Variants in TMEM181 observed in about 807,000 individuals in gnomAD.
TMEM181 encodes the protein G protein-coupled receptor 178.
Under a neutral mutation model 71.9 loss-of-function variants are expected in TMEM181, and 39 were observed. The ratio of observed to expected loss-of-function variants is 0.54; its 90% confidence interval spans 0.42 to 0.71. The LOEUF (loss-of-function observed/expected upper bound fraction) is 0.71. Ranked by LOEUF, TMEM181 falls within the 30% of genes least tolerant of loss-of-function variation. TMEM181 has a pLI of 0.00. For synonymous variants in TMEM181, 245 were observed against 228.8 expected (o/e 1.07, Z -0.64); for missense variants, 595 against 583.0 (o/e 1.02, Z -0.21).
intron 1 of TMEM181, among the ~76,000 whole-genome samples, chr6:158,568,374 C>T (rs896647046): frequency 6.6e-6 from 1 of 151,966 alleles, no homozygotes; most frequent in Admixed American, 6.6e-5. Context: ...CTCCTGAAGG[C>T]AGGAAGGACG....
At chr6:158,549,758 G>A (rs1180048716) in intron 1 of TMEM181, among the ~76,000 whole-genome samples, 1 of 152,170 alleles carries the variant, frequency 6.6e-6, no homozygotes, top group Non-Finnish European at 1.5e-5. Flanking sequence ...CAAGGGTGAT[G>A]CCAATTTGAG....
At chr6:158,562,412 T>C (rs1639022489) in intron 1 of TMEM181, among the ~76,000 whole-genome samples, 1 of 151,816 alleles carries the variant, frequency 6.6e-6, no homozygotes, top group African/African-American at 2.4e-5. Context: ...GGTCTTACTT[T>C]AGCATTTCTC....
chr6:158,566,318 G>A (rs991448653), intron 1 of TMEM181, among the ~76,000 whole-genome samples: 4 of 151,718 alleles, frequency 2.6e-5, no homozygotes, highest in Admixed American at 1.3e-4. Flanking sequence ...GCATCCTCTC[G>A]CAAGCCCGAG....
intron 1 of TMEM181, among the ~76,000 whole-genome samples, chr6:158,549,650 G>T (rs1260643590): frequency 6.6e-6 from 1 of 152,186 alleles, no homozygotes; most frequent in African/African-American, 2.4e-5. Flanking sequence ...TCTGTGCGTA[G>T]TCAGGGCGGT....
At chr6:158,543,000 C>A (rs989235146) in intron 1 of TMEM181, among the ~76,000 whole-genome samples, 1 of 150,588 alleles carries the variant, frequency 6.6e-6, no homozygotes, top group Non-Finnish European at 1.5e-5. Flanking sequence ...TTCAGCCTCC[C>A]GAGTAGCTGG....
intron 1 of TMEM181, among the ~76,000 whole-genome samples, chr6:158,550,698 AGGAACAGAG>A (rs1781692246): frequency 6.6e-6 from 1 of 152,084 alleles, no homozygotes; most frequent in Non-Finnish European, 1.5e-5. Flanking sequence ...TACAGGTCTT[AGGAACAGAG>A]TAGTCCCCAA....
chr6:158,554,445 C>T (rs1170278420), intron 1 of TMEM181, among the ~76,000 whole-genome samples: 4 of 152,172 alleles, frequency 2.6e-5, no homozygotes, highest in African/African-American at 9.7e-5. Flanking sequence ...GTCTCGAACT[C>T]CTGACCGCAG....
At chr6:158,605,630 G>A (rs920073087) in intron 7 of TMEM181, among the ~76,000 whole-genome samples, 1 of 152,222 alleles carries the variant, frequency 6.6e-6, no homozygotes, top group African/African-American at 2.4e-5. Flanking sequence ...CACCTGTGTG[G>A]AAGGAAGCTG....
upstream of TMEM181, among the ~76,000 whole-genome samples, chr6:158,558,171 T>C: frequency 6.6e-6 from 1 of 152,138 alleles, no homozygotes; most frequent in East Asian, 1.9e-4. Flanking sequence ...GGTGACAGTT[T>C]CCTCTCGCTG....
At chr6:158,552,800 C>G (rs535767371) in intron 1 of TMEM181, among the ~76,000 whole-genome samples, 3 of 150,760 alleles carry the variant, frequency 2.0e-5, no homozygotes, top group Admixed American at 1.3e-4. Context: ...AATGAAAACT[C>G]TACCTCAAGA....
At chr6:158,580,275 A>G (rs1256691057) in intron 2 of TMEM181, among the ~76,000 whole-genome samples, 4 of 152,180 alleles carry the variant, frequency 2.6e-5, no homozygotes, top group African/African-American at 4.8e-5. Flanking sequence ...GGTGGTGGTG[A>G]GCTGAGACTG....
intron 2 of TMEM181, among the ~76,000 whole-genome samples, chr6:158,577,069 A>G (rs1582972611): frequency 6.6e-6 from 1 of 151,688 alleles, no homozygotes; most frequent in East Asian, 1.9e-4. Context: ...CTCAAAAAAA[A>G]AAAAAAAAAA....
chr6:158,625,043 C>A, intron 11 of TMEM181, 61 bp from the exon 12 acceptor site: 1 of 1,294,040 alleles, frequency 7.7e-7, no homozygotes, highest in Non-Finnish European at 1.1e-6. Flanking sequence ...TGTGGTGGTG[C>A]TGGGAGGAGA....
chr6:158,629,772 T>A lies in TMEM181; in HGVS notation c.1235T>A (p.Leu412His). 2 of 1,613,886 alleles carry A rather than the reference T, an allele frequency of 1.2e-6. No individual in the cohort carries two copies. The highest frequency in any genetic ancestry group is 1.7e-6 in the Non-Finnish European group (2 of 1,179,918). ...TTCTATGGCCTGTTGAACTTCTATC[T>A]CTACACCTTGGCCTTTGTATATTCT... ...LSFYGLLNFYLYTLAFVYSPS... is the reference protein window; with the variant it reads ...LSFYGLLNFYHYTLAFVYSPS... The change falls in exon 15 of 17, where the codon CTC becomes CAC. Residue 412 changes from leucine to histidine, a missense_variant. Leu to His is a moderately conservative substitution (Grantham distance 99). Coordinates refer to ENST00000684151, the MANE Select transcript of TMEM181 (RefSeq NM_001376852.1).
At chr6:158,595,435 G>A (rs1784337175) in intron 6 of TMEM181, among the ~76,000 whole-genome samples, 1 of 152,240 alleles carries the variant, frequency 6.6e-6, no homozygotes, top group Admixed American at 6.5e-5. Flanking sequence ...TGGGGAGCGT[G>A]TAAATTGATA....
At chr6:158,605,444 A>G (rs902614261) in intron 7 of TMEM181, 97 bp downstream of exon 7, 1 of 1,115,492 alleles carries the variant, frequency 9.0e-7, no homozygotes, top group African/African-American at 1.5e-5. Flanking sequence ...ATGGAGATTG[A>G]TCTGAACTCA....
At position 158,632,346 on chromosome 6, in the gene TMEM181, G is replaced by T; in HGVS notation, c.*458G>T. 5.6e-6 allele frequency: 1 copy of T among 178,522 alleles called. No homozygotes were observed. Among genetic ancestry groups the T allele is most frequent in the Non-Finnish European group, 1.2e-5 (1 of 82,612 alleles). 11.1% of individuals were successfully genotyped at this position (178,522 alleles called of 1,614,324 possible). ...AAACTCAAAGGGAAGCCTTATCTGT[G>T]GCTGCTTCAGGGCAGTCCTTCCTCG... is the stretch of plus-strand genomic sequence containing the variant. On this transcript the variant is annotated 3_prime_UTR_variant, in exon 17 of 17. Transcript: ENST00000684151.
chr6:158,593,300 G>A (rs1421485837), intron 6 of TMEM181, among the ~76,000 whole-genome samples: 3 of 152,206 alleles, frequency 2.0e-5, no homozygotes, highest in Non-Finnish European at 4.4e-5. Context: ...AGAAAAGCAC[G>A]TGAATTAGAA....
At chr6:158,606,488 T>C (rs1157580722) in intron 7 of TMEM181, among the ~76,000 whole-genome samples, 1 of 152,216 alleles carries the variant, frequency 6.6e-6, no homozygotes, top group Non-Finnish European at 1.5e-5. Flanking sequence ...AGCTATTTAT[T>C]ACTCAGGGCC....
Sources: gnomAD v4.1 joint callset for allele counts (sites outside exome capture counted in the v4.1 genomes callset) on GRCh38, gnomAD v4.1.1 for gene constraint, MANE v1.5 for transcripts, NCBI Gene and HGNC (gene_info 2026-07-23, HGNC 2026-07-21) for gene names.